The following LAMC1 variants were observed in gnomAD, a reference collection of about 807,000 sequenced individuals.
The protein encoded by LAMC1 is laminin subunit gamma-1.
In LAMC1, 38 loss-of-function variants were observed where a neutral mutation model predicts 173.6. The ratio of observed to expected loss-of-function variants is 0.22; its 90% CI spans 0.17 to 0.29. The LOEUF (loss-of-function observed/expected upper bound fraction) is 0.29, where lower values mean the gene tolerates loss of function less well. Ranked by LOEUF, LAMC1 falls within the 10% of genes least tolerant of loss-of-function variation. LAMC1 has a pLI of 1.00. For missense variants in LAMC1, 1,824 were observed against 2,051.8 expected (o/e 0.89, Z 2.14); for synonymous variants, 746 against 749.1 (o/e 1.00, Z 0.07).
chr1:183,131,529 TA>T, intron 20 of LAMC1, 151 bp downstream of exon 20: 1 of 562,750 alleles, frequency 1.8e-6, no homozygotes, highest in South Asian at 2.8e-5. Context: ...CTCTCTTTTC[TA>T]AGATATTATC....
At chr1:183,034,228 A>G (rs1276664403) in intron 1 of LAMC1, among the ~76,000 whole-genome samples, 1 of 152,186 alleles carries the variant, frequency 6.6e-6, no homozygotes, top group Non-Finnish European at 1.5e-5. Context: ...TTCGTAATGT[A>G]TTTGAGATCA....
chr1:183,087,739 G>A (rs1450487786), intron 1 of LAMC1, among the ~76,000 whole-genome samples: 1 of 152,044 alleles, frequency 6.6e-6, no homozygotes, highest in Non-Finnish European at 1.5e-5. Context: ...TTTCCCTCTT[G>A]GGGGATGCCA....
Position 183,023,663 on chromosome 1 carries a change from G to A in LAMC1, c.-54G>A, listed in dbSNP as rs1411838424. 8.7e-7 allele frequency: 1 copy of A among 1,145,950 alleles called. No individual in the cohort carries two copies. The highest frequency in any genetic ancestry group is 4.7e-5 in the Admixed American group (1 of 21,132). The allele number at this position is 1,145,950 out of a possible 1,614,324, so 71.0% of individuals were successfully genotyped here. A position where few individuals can be genotyped will look rare whatever the true frequency, so the allele number is the denominator to read the frequency against. ...GCCTCCGGGGGACGCCGCTAGGCGA[G>A]AGGAACGCGCCGGTGCCCTTGCCTT... is the stretch of plus-strand genomic sequence containing the variant. On this transcript the variant is annotated 5_prime_UTR_variant, in exon 1 of 28. Transcript: ENST00000258341.
At chr1:183,133,682 T>C in intron 22 of LAMC1, 132 bp downstream of exon 22, 1 of 845,082 alleles carries the variant, frequency 1.2e-6, no homozygotes, top group Non-Finnish European at 1.7e-6. Flanking sequence ...TCACATACGC[T>C]AATAGAACTT....
chr1:183,030,440 T>C (rs1479024337), intron 1 of LAMC1, among the ~76,000 whole-genome samples: 3 of 152,240 alleles, frequency 2.0e-5, no homozygotes, highest in East Asian at 3.8e-4. Context: ...CATAAAAATA[T>C]ATGTACAGTG....
Position 183,110,661 on chromosome 1 carries a change from G to T in LAMC1, c.1021+7G>T. The T allele has an allele frequency of 6.2e-7, 1 of 1,612,646 alleles. No individual in the cohort carries two copies. The highest frequency in any genetic ancestry group is 8.5e-7 in the Non-Finnish European group (1 of 1,179,298). ...AGTGCCAGTGAATGCCTGCGTGAGT[G>T]CCCCATGACGTCAGTCTGTCAGTTG... On this transcript the variant is annotated splice_region_variant and intron_variant, in intron 4 of 27. Coordinates refer to ENST00000258341, the MANE Select transcript of LAMC1 (RefSeq NM_002293.4).
rs16860196 is a variant in LAMC1, at chr1:183,112,126, C to T, written c.1021+1472C>T. The stretch of plus-strand genomic sequence containing the variant: ...CTCACTACTGTTTCCACTGAACTGC[C>T]GAGAGGAGATTTTCTTATTCATCTT... On this transcript the variant is annotated intron_variant, in intron 4 of 27. Coordinates refer to ENST00000258341, the MANE Select transcript of LAMC1 (RefSeq NM_002293.4). Among the ~76,000 whole-genome samples, 632 of 152,118 alleles carry T rather than the reference C, an allele frequency of 4.2e-3. 7 individuals are homozygous for T. The East Asian group carries it at 0.052, about 13-fold the overall frequency.
rs1656495766 is a variant in LAMC1 at position 183,122,210 on chromosome 1, C to T, written c.2360C>T (p.Thr787Ile). ...TCAAGTTGTGCTGTTGTTCCCAAGA[C>T]AAAGGAGGTGGTGTGCACCAACTGT... ...GGSSCAVVPK[T>I]KEVVCTNCPT... Residue 787 changes from threonine (T) to isoleucine (I), a missense_variant, in exon 13 of 28, where the codon ACA (threonine) becomes ATA (isoleucine). Thr to Ile is a moderately conservative substitution (Grantham distance 89, BLOSUM62 -1). Coordinates refer to ENST00000258341, the MANE Select transcript of LAMC1 (RefSeq NM_002293.4). 8 of 1,614,162 alleles carry T rather than the reference C, an allele frequency of 5.0e-6. No individual in the cohort carries two copies. Among genetic ancestry groups the T allele is most frequent in the East Asian group, 2.2e-5 (1 of 44,876 alleles).
At chr1:183,099,599 T>G (rs1655782318) in intron 1 of LAMC1, among the ~76,000 whole-genome samples, 1 of 152,168 alleles carries the variant, frequency 6.6e-6, no homozygotes, top group Non-Finnish European at 1.5e-5. Flanking sequence ...TTCCTCCCTC[T>G]GGCTGCCCCC....
At chr1:183,084,838 C>T (rs530858122) in intron 1 of LAMC1, among the ~76,000 whole-genome samples, 21 of 152,078 alleles carry the variant, frequency 1.4e-4, no homozygotes, top group Non-Finnish European at 2.9e-4. Flanking sequence ...TTTATGAAAA[C>T]GTCAGGAGAA....
At chr1:183,109,665 A>T (rs1331311271) in intron 3 of LAMC1, among the ~76,000 whole-genome samples, 1 of 152,214 alleles carries the variant, frequency 6.6e-6, no homozygotes, top group African/African-American at 2.4e-5. Flanking sequence ...GTCCTGCCAC[A>T]CTATCAATGA....
rs1216796414 is a variant in LAMC1 at position 183,084,829 on chromosome 1, T to C, written c.419-18499T>C. ...CAATGTGAATATTCTTAAAATTCAT[T>C]TATGAAAACGTCAGGAGAAGCCCTG... On this transcript the variant is annotated intron_variant, in intron 1 of 27. Coordinates refer to ENST00000258341, the MANE Select transcript of LAMC1 (RefSeq NM_002293.4). Among the ~76,000 whole-genome samples the C allele has an allele frequency of 2.0e-5, 3 of 152,328 alleles. No homozygotes were observed. In the East Asian group the frequency reaches 5.8e-4, roughly 29 times the overall value.
rs1653595074 is a variant in LAMC1, at chr1:183,023,615, C to T, written c.-102C>T. On this transcript the variant is annotated 5_prime_UTR_variant, in exon 1 of 28. Transcript: ENST00000258341. ...CCGCGCCGGAGTCAGGCCCCTGGGCCCCCAGGCTCAAGCAGCGAAGCGGCC... is the reference window on the plus strand; with the variant it reads ...CCGCGCCGGAGTCAGGCCCCTGGGCTCCCAGGCTCAAGCAGCGAAGCGGCC... The T allele has an allele frequency of 4.3e-6, 4 of 929,570 alleles. No homozygotes were observed. The highest frequency in any genetic ancestry group is 1.0e-4 in the Admixed American group (2 of 19,844). 57.6% of individuals were successfully genotyped at this position (929,570 alleles called of 1,614,324 possible).
At chr1:183,100,138 TTAC>T (rs1303188756) in intron 1 of LAMC1, among the ~76,000 whole-genome samples, 2 of 152,126 alleles carry the variant, frequency 1.3e-5, no homozygotes, top group Non-Finnish European at 2.9e-5. Context: ...AGTTACTAAG[TTAC>T]TATTGAAAAC....
intron 1 of LAMC1, among the ~76,000 whole-genome samples, chr1:183,026,747 G>C (rs1372143509): frequency 6.6e-6 from 1 of 152,100 alleles, no homozygotes; most frequent in Non-Finnish European, 1.5e-5. Flanking sequence ...CCTTTCTTTT[G>C]ATGTTGAACT....
chr1:183,026,113 T>G (rs1349841563), intron 1 of LAMC1, among the ~76,000 whole-genome samples: 1 of 152,256 alleles, frequency 6.6e-6, no homozygotes, highest in Non-Finnish European at 1.5e-5. Context: ...GTTTTATGCT[T>G]GGACTTGGTT....
chr1:183,133,946 C>T (rs112772192), intron 22 of LAMC1, among the ~76,000 whole-genome samples: 3,413 of 152,276 alleles, frequency 0.022, 66 homozygotes, highest in South Asian at 0.08. Flanking sequence ...TATAATAATA[C>T]ATTTGAATTG....
chr1:183,086,533 G>A (rs1655433043), intron 1 of LAMC1, among the ~76,000 whole-genome samples: 1 of 152,190 alleles, frequency 6.6e-6, no homozygotes, highest in South Asian at 2.1e-4. Flanking sequence ...TTTGGAGCAT[G>A]CAGATTGCAC....
chr1:183,089,889 A>G (rs919143060), intron 1 of LAMC1, among the ~76,000 whole-genome samples: 1 of 152,106 alleles, frequency 6.6e-6, no homozygotes, highest in Non-Finnish European at 1.5e-5. Flanking sequence ...TGCTCATGCT[A>G]GGTACCACAT....
Sources: gnomAD v4.1 joint callset for allele counts (sites outside exome capture counted in the v4.1 genomes callset) on GRCh38, gnomAD v4.1.1 for gene constraint, MANE v1.5 for transcripts, NCBI Gene and HGNC (gene_info 2026-07-23, HGNC 2026-07-21) for gene names.